Variants in WIZ observed in about 807,000 individuals in gnomAD.
The protein encoded by WIZ is protein Wiz.
A neutral mutation model predicts 140.2 loss-of-function variants in WIZ; 25 were observed. That is an observed-to-expected ratio of 0.18 (90% CI 0.13 to 0.25). The LOEUF is 0.25. Ranked by LOEUF, WIZ falls within the 10% of genes least tolerant of loss-of-function variation. The probability of loss-of-function intolerance (pLI) is 1.00; values close to 1 mark genes in which losing one functional copy is unlikely to be tolerated. For synonymous variants in WIZ, 1,125 were observed against 1,154.3 expected (o/e 0.97, Z 0.51); for missense variants, 2,231 against 2,632.6 (o/e 0.85, Z 3.34).
intron 2 of WIZ, among the ~76,000 whole-genome samples, chr19:15,443,839 C>A (rs1969825551): frequency 6.6e-6 from 1 of 152,176 alleles, no homozygotes; most frequent in African/African-American, 2.4e-5. Flanking sequence ...TGCAGAGAGC[C>A]CATCCCTGCC....
chr19:15,432,234 G>A (rs1168180838), intron 5 of WIZ, among the ~76,000 whole-genome samples: 1 of 151,998 alleles, frequency 6.6e-6, no homozygotes, highest in East Asian at 1.9e-4. Context: ...ACGGGGCAAA[G>A]GTCTCGAGGA....
chr19:15,435,040 A>G (rs1894271086), intron 5 of WIZ, among the ~76,000 whole-genome samples: 1 of 152,056 alleles, frequency 6.6e-6, no homozygotes, highest in Admixed American at 6.5e-5. Context: ...CATCCTGGCT[A>G]ACATAGTGAA....
Position 15,430,095 on chromosome 19 carries a change from G to C in WIZ, c.2912-6C>G, listed in dbSNP as rs971958939. On this transcript the variant is annotated splice_polypyrimidine_tract_variant and splice_region_variant and intron_variant, in intron 6 of 12. Coordinates refer to ENST00000673675, the MANE Select transcript of WIZ (RefSeq NM_001371589.1). The stretch of plus-strand genomic sequence containing the variant: ...GCAGGTGGTCAGGCTCTGGGCTGAA[G>C]GGCAACACAGAGGCCGGGAGAGCAG... 6.6e-7 allele frequency: 1 copy of C among 1,515,916 alleles called. No homozygotes were observed. The highest frequency in any genetic ancestry group is 8.8e-7 in the Non-Finnish European group (1 of 1,133,814). The allele number at this position is 1,515,916 out of a possible 1,614,324, so 93.9% of individuals were successfully genotyped here. A position where few individuals can be genotyped will look rare whatever the true frequency, so the allele number is the denominator to read the frequency against.
chr19:15,431,972 G>A (rs1969271108), intron 5 of WIZ, among the ~76,000 whole-genome samples: 1 of 152,238 alleles, frequency 6.6e-6, no homozygotes, highest in Non-Finnish European at 1.5e-5. Flanking sequence ...TGTGCCAAAT[G>A]GGGCCTTGGA....
At chr19:15,429,493 C>T in intron 7 of WIZ, 93 bp downstream of exon 7, 1 of 924,924 alleles carries the variant, frequency 1.1e-6, no homozygotes, top group Non-Finnish European at 1.4e-6. Flanking sequence ...CGCCCCCACC[C>T]ACCCTGGGCC....
rs1288843465 is a variant in WIZ, at chr19:15,433,245, G to A, written c.2741-2063C>T. On this transcript the variant is annotated intron_variant, in intron 5 of 12. Coordinates refer to ENST00000673675, the MANE Select transcript of WIZ (RefSeq NM_001371589.1). Reference sequence around the variant, plus strand: ...CGACGGTGCCGTTCCGCAGACCTAGGGAACCCCACAAGGCCGGCAACACAT... The same window carrying A: ...CGACGGTGCCGTTCCGCAGACCTAGAGAACCCCACAAGGCCGGCAACACAT... The A allele has an allele frequency of 4.1e-6, 4 of 985,304 alleles. No homozygotes were observed. The African/African-American group carries it at 7.0e-5, about 17-fold the overall frequency. 61.0% of individuals were successfully genotyped at this position (985,304 alleles called of 1,614,324 possible).
chr19:15,425,375 T>A lies in WIZ; in HGVS notation c.4760A>T (p.Tyr1587Phe). 6.4e-7 allele frequency: 1 copy of A among 1,557,354 alleles called. No individual in the cohort carries two copies. Among genetic ancestry groups the A allele is most frequent in the Non-Finnish European group, 8.7e-7 (1 of 1,150,584 alleles). ...ITGAKPSATG[Y>F]LGSVAAKRPL... is the part of the protein sequence containing the mutation. The stretch of plus-strand genomic sequence containing the variant: ...CCGCTTGGCTGCCACTGAGCCCAGG[T>A]AGCCAGTGGCTGAGGGCTTGGCCCC... Residue 1587 changes from tyrosine (Y) to phenylalanine (F), a missense_variant, in exon 10 of 13, where the codon TAC (tyrosine) becomes TTC (phenylalanine). Physicochemically the swap from Tyr to Phe is conservative, Grantham distance 22. Around this residue, in one of 15 missense-constraint regions of WIZ, gnomAD observed 393 missense variants for 451.7 expected, o/e 0.87. Coordinates refer to ENST00000673675, the MANE Select transcript of WIZ (RefSeq NM_001371589.1).
Position 15,425,425 on chromosome 19 carries a change from A to T in WIZ, c.4710T>A (p.Arg1570=), listed in dbSNP as rs1354698820. 1 of 1,562,740 alleles carries T rather than the reference A, an allele frequency of 6.4e-7. No individual in the cohort carries two copies. Among genetic ancestry groups the T allele is most frequent in the Non-Finnish European group, 8.7e-7 (1 of 1,153,482 alleles). ...KPGAGPAQVP[R]ELSLTPITGA... Reference sequence around the variant, plus strand: ...CAGTGATGGGCGTCAGGCTGAGCTCACGAGGAACCTGGGCCGGCCCTGCAC... The same window carrying T: ...CAGTGATGGGCGTCAGGCTGAGCTCTCGAGGAACCTGGGCCGGCCCTGCAC... Residue 1570 remains arginine (R), a synonymous_variant, in exon 10 of 13, where the codon CGT becomes CGA. Transcript: ENST00000673675.
intron 2 of WIZ, among the ~76,000 whole-genome samples, chr19:15,443,986 C>T (rs1969831032): frequency 6.6e-6 from 1 of 152,174 alleles, no homozygotes; most frequent in Admixed American, 6.5e-5. Flanking sequence ...GAATCCTGGC[C>T]TGCATCTCTG....
At position 15,421,640 on chromosome 19, in the gene WIZ, G is replaced by C. The variant is rs573438312; in HGVS notation, c.*1436C>G. 8 of 152,282 alleles carry C rather than the reference G, an allele frequency of 5.3e-5. No homozygotes were observed. In the East Asian group the frequency reaches 1.5e-3, roughly 29 times the overall value. The allele number at this position is 152,282 out of a possible 1,614,324, so 9.4% of individuals were successfully genotyped here. A position where few individuals can be genotyped will look rare whatever the true frequency, so the allele number is the denominator to read the frequency against. On this transcript the variant is annotated 3_prime_UTR_variant, in exon 13 of 13. Coordinates refer to ENST00000673675, the MANE Select transcript of WIZ (RefSeq NM_001371589.1). ...TCCTCTTTTCCCCGCATGTTCCTTG[G>C]GTCAGGGGTGCATGTGTCTCACTAG... is the stretch of plus-strand genomic sequence containing the variant.
Position 15,427,981 on chromosome 19 carries a change from G to T in WIZ, c.3814+129C>A. On this transcript the variant is annotated intron_variant, in intron 8 of 12. Coordinates refer to ENST00000673675, the MANE Select transcript of WIZ (RefSeq NM_001371589.1). The surrounding 1 kb of genome is among the most constrained non-coding windows in gnomAD (Gnocchi z 6.4). The stretch of plus-strand genomic sequence containing the variant: ...CAGCCCACTGCCAACAAGATCTCTG[G>T]GCAGAACCGGCCCACTGCCAAGGGC... The T allele has an allele frequency of 7.5e-7, 1 of 1,332,018 alleles. No homozygotes were observed. Among genetic ancestry groups the T allele is most frequent in the Non-Finnish European group, 1.0e-6 (1 of 1,003,162 alleles). 82.5% of individuals were successfully genotyped at this position (1,332,018 alleles called of 1,614,324 possible).
At position 15,439,667 on chromosome 19, in the gene WIZ, C is replaced by A; in HGVS notation, c.1327G>T (p.Gly443Cys). 1 of 1,501,470 alleles carries A rather than the reference C, an allele frequency of 6.7e-7. No homozygotes were observed. Among genetic ancestry groups the A allele is most frequent in the Admixed American group, 2.3e-5 (1 of 43,684 alleles). The allele number at this position is 1,501,470 out of a possible 1,614,324, so 93.0% of individuals were successfully genotyped here. ...KEPFGGSSGA[G>C]SPSPEASALL... is the part of the protein sequence containing the mutation. The stretch of plus-strand genomic sequence containing the variant: ...GCGCTGGCCTCAGGGCTGGGGCTGC[C>A]AGCCCCGCTGCTGCCTCCAAAAGGC... The change falls in exon 4 of 13, where the codon GGC becomes TGC. Residue 443 changes from glycine (G) to cysteine (C), a missense_variant. Physicochemically the swap from Gly to Cys is radical, Grantham distance 159. Around this residue, in one of 15 missense-constraint regions of WIZ, gnomAD observed 475 missense variants for 520.2 expected, o/e 0.91. Coordinates refer to ENST00000673675, the MANE Select transcript of WIZ (RefSeq NM_001371589.1). The surrounding 1 kb of genome is among the most constrained non-coding windows in gnomAD (Gnocchi z 7.0).
chr19:15,427,359 G>A lies in WIZ; in HGVS notation c.3989C>T (p.Thr1330Ile), dbSNP rs1205751556. The A allele has an allele frequency of 1.2e-6, 2 of 1,613,700 alleles. No homozygotes were observed. Among genetic ancestry groups the A allele is most frequent in the Non-Finnish European group, 1.7e-6 (2 of 1,180,004 alleles). The part of the protein sequence containing the change: ...DTLREILKRR[T>I]QSRPGGPPNP... Reference sequence around the variant, plus strand: ...GGGAGGTCCACCAGGCCGAGACTGGGTCCGTCTCTTCAGGATCTCCCGCAG... The same window carrying A: ...GGGAGGTCCACCAGGCCGAGACTGGATCCGTCTCTTCAGGATCTCCCGCAG... Residue 1330 changes from threonine (T) to isoleucine (I), a missense_variant, in exon 9 of 13, where the codon ACC becomes ATC. Thr to Ile is a moderately conservative substitution (Grantham distance 89). This residue lies in a region of WIZ where 393 missense variants were observed against 451.7 expected (regional missense o/e 0.87). Transcript: ENST00000673675. The surrounding 1 kb of genome is among the most constrained non-coding windows in gnomAD (Gnocchi z 6.4).
At chr19:15,436,597 C>G (rs1969522717) in intron 5 of WIZ, 1 of 521,234 alleles carries the variant, frequency 1.9e-6, no homozygotes. Flanking sequence ...AAAACTGGAT[C>G]CAGAAAGAGA....
intron 2 of WIZ, among the ~76,000 whole-genome samples, chr19:15,445,056 C>T (rs954967975): frequency 9.2e-5 from 14 of 152,228 alleles, no homozygotes; most frequent in Non-Finnish European, 1.5e-4. Context: ...GGGCTTCACC[C>T]AGAGGCCTCC....
Position 15,438,814 on chromosome 19 carries a change from C to T in WIZ, c.2180G>A (p.Gly727Asp). Residue 727 changes from glycine to aspartate, a missense_variant, in exon 4 of 13, where the codon GGC (glycine) becomes GAC (aspartate). By Grantham distance (94) the Gly-to-Asp change is moderately conservative. Around this residue, in one of 15 missense-constraint regions of WIZ, gnomAD observed 118 missense variants for 209.1 expected, o/e 0.56. Transcript: ENST00000673675. ...GAGTGTGTCCAGCCCCAGCGGGCCGCCCAGCGGCGCGTCCAGGAGCAGGAA... is the reference window on the plus strand; with the variant it reads ...GAGTGTGTCCAGCCCCAGCGGGCCGTCCAGCGGCGCGTCCAGGAGCAGGAA... ...LDFLLLDAPL[G>D]GPLGLDTLLD... The T allele has an allele frequency of 1.3e-6, 2 of 1,509,510 alleles. No homozygotes were observed. Among genetic ancestry groups the T allele is most frequent in the Non-Finnish European group, 1.8e-6 (2 of 1,127,568 alleles). The allele number at this position is 1,509,510 out of a possible 1,614,324, so 93.5% of individuals were successfully genotyped here. A position where few individuals can be genotyped will look rare whatever the true frequency, so the allele number is the denominator to read the frequency against.
intron 6 of WIZ, 45 bp downstream of exon 6, chr19:15,430,967 A>T: frequency 6.7e-7 from 1 of 1,484,030 alleles, no homozygotes; most frequent in Non-Finnish European, 9.0e-7. Context: ...TGTGAGTGTA[A>T]CCAGCCTGGC....
Position 15,448,372 on chromosome 19 carries a change from G to C in WIZ, c.-60-5C>G. 1 of 1,585,590 alleles carries C rather than the reference G, an allele frequency of 6.3e-7. No individual in the cohort carries two copies. Reference sequence around the variant, plus strand: ...GCTCAGCGGGGCATTGTGGGCCTGGGGATAGAGAGAAGGAAGTGCTTAGGG... The same window carrying C: ...GCTCAGCGGGGCATTGTGGGCCTGGCGATAGAGAGAAGGAAGTGCTTAGGG... On this transcript the variant is annotated splice_region_variant and splice_polypyrimidine_tract_variant and intron_variant, in intron 1 of 12. Coordinates refer to ENST00000673675, the MANE Select transcript of WIZ (RefSeq NM_001371589.1).
intron 2 of WIZ, among the ~76,000 whole-genome samples, chr19:15,444,825 G>A (rs764939501): frequency 6.6e-6 from 1 of 152,090 alleles, no homozygotes; most frequent in East Asian, 1.9e-4. Flanking sequence ...TGAGGGTCCC[G>A]GGCATCCTGC....
Sources: allele counts gnomAD v4.1 joint callset (sites outside exome capture counted in the v4.1 genomes callset), GRCh38; gene constraint gnomAD v4.1.1; regional missense constraint gnomAD v4.1.1; non-coding constraint Gnocchi (gnomAD v3.1); transcripts MANE v1.5; gene names NCBI Gene and HGNC (gene_info 2026-07-23, HGNC 2026-07-21).